The following DCC variants were observed in gnomAD, a reference collection of about 807,000 sequenced individuals.
DCC encodes the protein netrin receptor DCC.
Under a neutral mutation model 172.5 loss-of-function variants are expected in DCC, and 58 were observed. The observed-to-expected ratio is 0.34, with a 90% CI of 0.27 to 0.42. The LOEUF is 0.42. Ranked by LOEUF, DCC falls within the 10% of genes least tolerant of loss-of-function variation. The probability of loss-of-function intolerance (pLI) is 1.00; values close to 1 mark genes in which losing one functional copy is unlikely to be tolerated. For missense variants in DCC, 1,740 were observed against 1,791.0 expected (o/e 0.97, Z 0.51); for synonymous variants, 709 against 644.5 (o/e 1.10, Z -1.52).
intron 7 of DCC, among the ~76,000 whole-genome samples, chr18:53,098,178 CTA>C (rs1270197665): frequency 4.0e-5 from 6 of 151,858 alleles, no homozygotes; most frequent in Non-Finnish European, 7.4e-5. Context: ...TAGAATGGTA[CTA>C]TGTTTCATTT....
intron 1 of DCC, among the ~76,000 whole-genome samples, chr18:52,526,642 A>G (rs186011695): frequency 3.3e-5 from 5 of 152,290 alleles, no homozygotes; most frequent in East Asian, 1.9e-4. Context: ...AAAGAATTCA[A>G]TGAGGTAATT....
At chr18:53,104,525 C>T (rs185485293) in intron 7 of DCC, among the ~76,000 whole-genome samples, 1 of 151,736 alleles carries the variant, frequency 6.6e-6, no homozygotes, top group African/African-American at 2.4e-5. Flanking sequence ...TCCATTAAAA[C>T]TTCTTCTTCT....
In DCC at chr18:53,391,817, A is replaced by G. The variant is rs1423657770; in HGVS notation, c.2618A>G (p.Gln873Arg). Residue 873 changes from glutamine to arginine, a missense_variant, in exon 17 of 29, where the codon CAA (glutamine) becomes CGA (arginine). By Grantham distance (43) the Gln-to-Arg change is conservative (BLOSUM62 1). This residue lies in a region of DCC where 1,732 missense variants were observed against 1,767.4 expected (regional missense o/e 0.98). Coordinates refer to ENST00000442544, the MANE Select transcript of DCC (RefSeq NM_005215.4). ...GCAGACAACTCTGTCCCTAAGAACC[A>G]AAAGACGTCTGAGGTGCGACTTTAC... ...SWADNSVPKN[Q>R]KTSEVRLYTV... 1 of 1,614,070 alleles carries G rather than the reference A, an allele frequency of 6.2e-7. No individual in the cohort carries two copies. Among genetic ancestry groups the G allele is most frequent in the South Asian group, 1.1e-5 (1 of 91,086 alleles).
intron 2 of DCC, among the ~76,000 whole-genome samples, chr18:52,754,588 T>C (rs1430412204): frequency 6.6e-6 from 1 of 152,210 alleles, no homozygotes; most frequent in East Asian, 1.9e-4. Context: ...TGATCTCAGA[T>C]TTCCAGCCTC....
At chr18:53,330,262 G>C (rs1599030833) in intron 14 of DCC, among the ~76,000 whole-genome samples, 1 of 152,080 alleles carries the variant, frequency 6.6e-6, no homozygotes, top group Non-Finnish European at 1.5e-5. Context: ...TTTCCCTTAA[G>C]ATTGATTGTA....
At chr18:52,621,160 A>G (rs921861356) in intron 1 of DCC, among the ~76,000 whole-genome samples, 1 of 152,216 alleles carries the variant, frequency 6.6e-6, no homozygotes, top group Non-Finnish European at 1.5e-5. Flanking sequence ...ACTGCTTTTT[A>G]TGTTTAACTT....
chr18:52,414,248 T>C (rs1986940859), intron 1 of DCC, among the ~76,000 whole-genome samples: 1 of 152,026 alleles, frequency 6.6e-6, no homozygotes, highest in Non-Finnish European at 1.5e-5. Flanking sequence ...GCCTGGCTAA[T>C]TATTTTTGTA....
intron 1 of DCC, among the ~76,000 whole-genome samples, chr18:52,434,088 C>T (rs950157336): frequency 2.6e-5 from 4 of 151,716 alleles, no homozygotes; most frequent in African/African-American, 9.8e-5. Context: ...ATTCAAAAAT[C>T]CTTAGAAGGG....
chr18:52,830,364 T>A (rs2038591293), intron 2 of DCC, among the ~76,000 whole-genome samples: 1 of 152,176 alleles, frequency 6.6e-6, no homozygotes, highest in Admixed American at 6.5e-5. Flanking sequence ...TTCTAGTGTG[T>A]TCCAATGAAG....
At chr18:53,428,478 T>TATA (rs1555670616) in intron 21 of DCC, among the ~76,000 whole-genome samples, 1 of 39,216 alleles carries the variant, frequency 2.5e-5, no homozygotes, top group Non-Finnish European at 6.1e-5. Flanking sequence ...TAATATATAA[T>TATA]ATATATTTTT....
At chr18:52,483,308 C>T (rs12457422) in intron 1 of DCC, among the ~76,000 whole-genome samples, 2 of 152,058 alleles carry the variant, frequency 1.3e-5, no homozygotes, top group Non-Finnish European at 2.9e-5. Flanking sequence ...GTTGGAGGGC[C>T]ATGCAGCCAA....
At chr18:52,575,564 C>T (rs1043568018) in intron 1 of DCC, among the ~76,000 whole-genome samples, 1 of 152,102 alleles carries the variant, frequency 6.6e-6, no homozygotes, top group Non-Finnish European at 1.5e-5. Context: ...AACATGATTT[C>T]CTACCATTCT....
intron 1 of DCC, among the ~76,000 whole-genome samples, chr18:52,344,739 C>G (rs889315018): frequency 6.6e-6 from 1 of 151,966 alleles, no homozygotes; most frequent in Non-Finnish European, 1.5e-5. Context: ...AGTGTTCTTA[C>G]CATTTCTTTG....
intron 3 of DCC, 102 bp downstream of exon 3, chr18:52,906,430 T>C (rs993137509): frequency 7.3e-5 from 88 of 1,200,664 alleles, no homozygotes; most frequent in Non-Finnish European, 1.0e-4. Flanking sequence ...ATAAGTTCTG[T>C]ATTGTTCATT....
chr18:53,361,760 A>C (rs1309171654), intron 15 of DCC, among the ~76,000 whole-genome samples: 2 of 152,200 alleles, frequency 1.3e-5, no homozygotes, highest in South Asian at 4.1e-4. Context: ...ATGTGAATGG[A>C]ATACAATGAA....
intron 5 of DCC, among the ~76,000 whole-genome samples, chr18:53,030,550 T>C (rs2042013411): frequency 6.6e-6 from 1 of 152,122 alleles, no homozygotes; most frequent in South Asian, 2.1e-4. Flanking sequence ...TAGCTGTTCT[T>C]GGACCTATTG....
intron 1 of DCC, among the ~76,000 whole-genome samples, chr18:52,730,372 T>C (rs916973151): frequency 1.3e-5 from 2 of 152,200 alleles, no homozygotes; most frequent in East Asian, 1.9e-4. Context: ...TGAGAAACCA[T>C]GGCCTAGGTG....
At chr18:53,300,170 T>C (rs1258118793) in intron 12 of DCC, among the ~76,000 whole-genome samples, 4 of 152,180 alleles carry the variant, frequency 2.6e-5, no homozygotes, top group African/African-American at 9.7e-5. Context: ...GTACAGTTGA[T>C]CCTCATTATT....
At chr18:52,877,943 G>C (rs904268781) in intron 2 of DCC, among the ~76,000 whole-genome samples, 2 of 151,978 alleles carry the variant, frequency 1.3e-5, no homozygotes, top group East Asian at 1.9e-4. Flanking sequence ...AGAGTATACT[G>C]TTTCCTGAGT....
Sources: gnomAD v4.1 joint callset for allele counts (sites outside exome capture counted in the v4.1 genomes callset) on GRCh38, gnomAD v4.1.1 for gene constraint, gnomAD v4.1.1 regional missense constraint, MANE v1.5 for transcripts, NCBI Gene and HGNC (gene_info 2026-07-23, HGNC 2026-07-21) for gene names.